Variants in SEPTIN3 observed in about 807,000 individuals in gnomAD.
SEPTIN3 encodes the protein neuronal-specific septin-3.
A neutral mutation model predicts 45.1 loss-of-function variants in SEPTIN3; 15 were observed. The observed-to-expected ratio is 0.33, with a 90% confidence interval of 0.22 to 0.51. The LOEUF (loss-of-function observed/expected upper bound fraction) is 0.51. SEPTIN3 is among the 20% of genes least tolerant of loss of function. SEPTIN3 has a pLI of 0.97. For synonymous variants in SEPTIN3, 148 were observed against 164.8 expected, an observed-to-expected ratio of 0.90 and a Z score of 0.78; for missense variants, 289 against 457.2, an observed-to-expected ratio of 0.63 and a Z score of 3.35.
chr22:41,974,902 C>T (rs2078001753), intron 2 of SEPTIN3, among the ~76,000 whole-genome samples: 1 of 149,758 alleles, frequency 6.7e-6, no homozygotes, highest in African/African-American at 2.5e-5. Context: ...AGCCTCCTAC[C>T]TCCTACGTGA....
At position 41,998,102 on chromosome 22, in the gene SEPTIN3, AC is replaced by A. The variant is rs1370326441; in HGVS notation, c.*1136del. The A allele has an allele frequency of 1.3e-5, 2 of 152,700 alleles. No homozygotes were observed. The highest frequency in any genetic ancestry group is 4.8e-5 in the African/African-American group (2 of 41,470). The allele number at this position is 152,700 out of a possible 1,614,324, so 9.5% of individuals were successfully genotyped here. On this transcript the variant is annotated 3_prime_UTR_variant, in exon 12 of 12. Transcript: ENST00000644076. Reference sequence around the variant, plus strand: ...AATGTTACCAGTCCCAGCCAATCTTACGGTGACATTACAGTTAAATTTCCCA... The same window carrying A: ...AATGTTACCAGTCCCAGCCAATCTTAGGTGACATTACAGTTAAATTTCCCA...
rs1042813544 is a variant in SEPTIN3, at chr22:41,972,879, G to A, written c.1387G>A (p.Val463Ile). 12 of 399,106 alleles carry A rather than the reference G, an allele frequency of 3.0e-5. No homozygotes were observed. Among genetic ancestry groups the A allele is most frequent in the Middle Eastern group, 6.2e-4 (1 of 1,610 alleles). The allele number at this position is 399,106 out of a possible 1,614,324, so 24.7% of individuals were successfully genotyped here. ...GSVNNLTISD[V>I]ATCLLMPSRS... ...TGTTAATAACCTAACCATATCAGAC[G>A]TTGCTACATGCCTGCTAATGCCAAG... The change falls in exon 2 of 12, where the codon GTT (valine) becomes ATT (isoleucine). Residue 463 changes from valine (V) to isoleucine (I), a missense_variant. Physicochemically the swap from Val to Ile is conservative, Grantham distance 29. Transcript: ENST00000644076.
intron 6 of SEPTIN3, among the ~76,000 whole-genome samples, chr22:41,988,838 T>G (rs1239630048): frequency 1.3e-5 from 2 of 152,084 alleles, no homozygotes; most frequent in Admixed American, 6.6e-5. Flanking sequence ...CAGAACAAGA[T>G]GTACACACTA....
intron 2 of SEPTIN3, among the ~76,000 whole-genome samples, chr22:41,974,134 C>T (rs1269330119): frequency 6.0e-4 from 86 of 142,328 alleles, no homozygotes; most frequent in African/African-American, 2.0e-3. Context: ...AGAGCAAGAC[C>T]CTGTCTCAAA....
rs377444054 is a variant in SEPTIN3 at position 41,996,882 on chromosome 22, C to T, written c.2506-20C>T. The T allele has an allele frequency of 1.3e-4, 216 of 1,613,472 alleles. No homozygotes were observed. The highest frequency in any genetic ancestry group is 1.7e-4 in the Non-Finnish European group (198 of 1,179,648). ...AGCTGCTGGTCTCCACACCCTCAAC[C>T]GTTCTCAACCCCCCTGCAGGGAGAA... On this transcript the variant is annotated intron_variant, in intron 11 of 11. Transcript: ENST00000644076.
Position 41,996,982 on chromosome 22 carries a change from G to T in SEPTIN3, c.*15G>T, listed in dbSNP as rs370808605. On this transcript the variant is annotated 3_prime_UTR_variant, in exon 12 of 12. Transcript: ENST00000644076. ...CTGCTGAATGAAGGCCATTTCAAGC[G>T]CTGCTTCTCACTCCATTCCTCTCAG... 6.2e-7 allele frequency: 1 copy of T among 1,613,716 alleles called. No individual in the cohort carries two copies. Among genetic ancestry groups the T allele is most frequent in the African/African-American group, 1.3e-5 (1 of 74,882 alleles).
chr22:41,978,893 T>TGGAGGAGGAGGAGGAGGAGGAGGA (rs71184852), intron 2 of SEPTIN3, among the ~76,000 whole-genome samples: 3 of 120,322 alleles, frequency 2.5e-5, no homozygotes. Flanking sequence ...GGCTGAATGC[T>TGGAGGAGGAGGAGGAGGAGGAGGA]GGAGGAGGAG....
chr22:41,991,633 G>A lies in SEPTIN3; in HGVS notation c.2224G>A (p.Asp742Asn). Residue 742 changes from aspartate to asparagine, a missense_variant, in exon 8 of 12, where the codon GAT (aspartate) becomes AAT (asparagine). By Grantham distance (23) the Asp-to-Asn change is conservative. Transcript: ENST00000644076. ...CTACCCCCAGAAGGAATTTGATGAG[G>A]ATTTGGAGGATAAGACGGAGAATGA... Reference protein sequence around the residue: ...EFYPQKEFDEDLEDKTENDKI... With the variant: ...EFYPQKEFDENLEDKTENDKI... 2 of 1,614,096 alleles carry A rather than the reference G, an allele frequency of 1.2e-6. No homozygotes were observed. Among genetic ancestry groups the A allele is most frequent in the Non-Finnish European group, 1.7e-6 (2 of 1,179,924 alleles).
Position 41,997,189 on chromosome 22 carries a change from C to A in SEPTIN3, c.*222C>A. On this transcript the variant is annotated 3_prime_UTR_variant, in exon 12 of 12. Transcript: ENST00000644076. Reference sequence around the variant, plus strand: ...GTGGGGTTCTGCCAGTACAGCCCTACTGCATCATCTGCGTCAGCCGGTCCT... The same window carrying A: ...GTGGGGTTCTGCCAGTACAGCCCTAATGCATCATCTGCGTCAGCCGGTCCT... 1.3e-6 allele frequency: 1 copy of A among 773,986 alleles called. No homozygotes were observed. The highest frequency in any genetic ancestry group is 2.0e-6 in the Non-Finnish European group (1 of 503,096). 47.9% of individuals were successfully genotyped at this position (773,986 alleles called of 1,614,324 possible). A position where few individuals can be genotyped will look rare whatever the true frequency, so the allele number is the denominator to read the frequency against.
intron 2 of SEPTIN3, among the ~76,000 whole-genome samples, chr22:41,978,787 G>GTGAA (rs943570874): frequency 4.2e-4 from 64 of 152,282 alleles, no homozygotes; most frequent in African/African-American, 1.5e-3. Flanking sequence ...GAATGAATGA[G>GTGAA]TGAATGTGAT....
chr22:41,975,488 C>CT (rs1449157324), intron 2 of SEPTIN3, among the ~76,000 whole-genome samples: 1 of 152,206 alleles, frequency 6.6e-6, no homozygotes, highest in Non-Finnish European at 1.5e-5. Flanking sequence ...CTCCCTCCAT[C>CT]TGCAGCCCAG....
In SEPTIN3 at chr22:41,983,506, C is replaced by T. The variant is rs570120897; in HGVS notation, c.1696+1670C>T. Among the ~76,000 whole-genome samples, 3 of 152,358 alleles carry T rather than the reference C, an allele frequency of 2.0e-5. No homozygotes were observed. In the East Asian group the frequency reaches 5.8e-4, roughly 29 times the overall value. ...TCTGTAACAAACTCTCCTTTAACCT[C>T]AGGGTAAGTTTAAACTCGTAGACTG... On this transcript the variant is annotated intron_variant, in intron 3 of 11. Coordinates refer to ENST00000644076, the MANE Select transcript of SEPTIN3 (RefSeq NM_001363845.2).
chr22:41,994,592 C>G lies in SEPTIN3; in HGVS notation c.2412-29C>G. 6.2e-7 allele frequency: 1 copy of G among 1,613,514 alleles called. No homozygotes were observed. Among genetic ancestry groups the G allele is most frequent in the Non-Finnish European group, 8.5e-7 (1 of 1,179,722 alleles). ...CTCCTCTTCCTGCCCCTAATTGCAG[C>G]CCTCTTCTTCTCACCCTGTGTCCTC... On this transcript the variant is annotated intron_variant, in intron 10 of 11. Coordinates refer to ENST00000644076, the MANE Select transcript of SEPTIN3 (RefSeq NM_001363845.2). This position sits in a 1 kb window ranked among gnomAD's most constrained non-coding sequence, Gnocchi z 4.2.
At position 41,994,525 on chromosome 22, in the gene SEPTIN3, C is replaced by T. The variant is rs1482100730; in HGVS notation, c.2412-96C>T. Reference sequence around the variant, plus strand: ...ATCCTTAGCTCCTGGGAGTGGTTCCCATTCACTGGGTCCAGTCCCTCGAAG... The same window carrying T: ...ATCCTTAGCTCCTGGGAGTGGTTCCTATTCACTGGGTCCAGTCCCTCGAAG... On this transcript the variant is annotated intron_variant, in intron 10 of 11. Coordinates refer to ENST00000644076, the MANE Select transcript of SEPTIN3 (RefSeq NM_001363845.2). The surrounding 1 kb of genome is among the most constrained non-coding windows in gnomAD (Gnocchi z 4.2). 1.3e-6 allele frequency: 2 copies of T among 1,579,662 alleles called. No homozygotes were observed. Among genetic ancestry groups the T allele is most frequent in the African/African-American group, 2.7e-5 (2 of 74,120 alleles).
At chr22:41,983,846 GT>G (rs1272640035) in intron 3 of SEPTIN3, among the ~76,000 whole-genome samples, 1 of 152,218 alleles carries the variant, frequency 6.6e-6, no homozygotes, top group African/African-American at 2.4e-5. Flanking sequence ...GTCTGCTTAT[GT>G]TTTGGTCACT....
chr22:41,988,186 G>A (rs1045975304), intron 6 of SEPTIN3, among the ~76,000 whole-genome samples: 1 of 152,140 alleles, frequency 6.6e-6, no homozygotes, highest in Non-Finnish European at 1.5e-5. Context: ...GTGTTTGGAG[G>A]GTAGGGACCC....
intron 3 of SEPTIN3, chr22:41,982,066 G>A (rs11914200): frequency 0.29 from 164,017 of 557,940 alleles, 26,064 homozygotes; most frequent in Admixed American, 0.38. Context: ...TCACCAGCTC[G>A]GTGTACACAG....
rs2078048989 is a variant in SEPTIN3, at chr22:41,977,498, G to A, written c.1505-4147G>A. 2.6e-5 allele frequency among the ~76,000 whole-genome samples: 4 copies of A among 152,194 alleles called. No homozygotes were observed. In the South Asian group the frequency reaches 8.3e-4, roughly 32 times the overall value. On this transcript the variant is annotated intron_variant, in intron 2 of 11. Transcript: ENST00000644076. ...CTGGTGGTCTCCAAGGGAACCCGTT[G>A]GCCTCCAGAGGACTGGGATGGGGGA...
chr22:41,971,006 G>C (rs1365905745), intron 1 of SEPTIN3, among the ~76,000 whole-genome samples: 1 of 152,072 alleles, frequency 6.6e-6, no homozygotes, highest in South Asian at 2.1e-4. Context: ...TCCTATGTTG[G>C]CTGCTGTGGG....
Sources: allele counts gnomAD v4.1 joint callset (sites outside exome capture counted in the v4.1 genomes callset), GRCh38; gene constraint gnomAD v4.1.1; non-coding constraint Gnocchi (gnomAD v3.1); transcripts MANE v1.5; gene names NCBI Gene and HGNC (gene_info 2026-07-23, HGNC 2026-07-21).